Variants in SH3RF2 observed in about 807,000 individuals in gnomAD.
SH3RF2 encodes the protein SH3 domain containing ring finger 2.
SH3RF2 carries 43 observed loss-of-function variants against 59.0 expected under a neutral mutation model. The observed-to-expected ratio is 0.73, with a 90% CI of 0.57 to 0.94. The LOEUF (loss-of-function observed/expected upper bound fraction) is 0.94. Among genes scored for constraint, SH3RF2 ranks in the 40% least tolerant of loss-of-function variants. The pLI is 0.00. For synonymous variants in SH3RF2, 391 were observed against 391.5 expected, an observed-to-expected ratio of 1.00 and a Z score of 0.01; for missense variants, 930 against 940.1, an observed-to-expected ratio of 0.99 and a Z score of 0.14.
chr5:146,059,995 C>T lies in SH3RF2; in HGVS notation c.1685C>T (p.Ser562Phe). Residue 562 changes from serine to phenylalanine, a missense_variant, in exon 9 of 10, where the codon TCC becomes TTC. Coordinates refer to ENST00000359120, the MANE Select transcript of SH3RF2 (RefSeq NM_152550.4). ...QFYQPQGIPS[S>F]PSAVVVEMGS... ...TACCAGCCACAGGGGATCCCCTCCT[C>T]CCCCTCAGCCGTGGTGGTGGAGATG... 2 of 1,594,616 alleles carry T rather than the reference C, an allele frequency of 1.3e-6. No homozygotes were observed. Among genetic ancestry groups the T allele is most frequent in the Non-Finnish European group, 1.7e-6 (2 of 1,169,278 alleles).
chr5:145,956,980 A>G (rs1021469380), intron 2 of SH3RF2, among the ~76,000 whole-genome samples: 1 of 152,362 alleles, frequency 6.6e-6, no homozygotes, highest in Non-Finnish European at 1.5e-5. Context: ...CTTCATAACT[A>G]TCAGGCAGCA....
chr5:146,047,874 G>T lies in SH3RF2; in HGVS notation c.1151+11G>T. 6.2e-7 allele frequency: 1 copy of T among 1,613,376 alleles called. No individual in the cohort carries two copies. Reference sequence around the variant, plus strand: ...CCTCTCAGCGAACATGTGAGTAAAAGGCTCATCCCTTCACCCAAGTCCTGG... The same window carrying T: ...CCTCTCAGCGAACATGTGAGTAAAATGCTCATCCCTTCACCCAAGTCCTGG... On this transcript the variant is annotated intron_variant, in intron 6 of 9. Transcript: ENST00000359120.
intron 9 of SH3RF2, among the ~76,000 whole-genome samples, chr5:146,070,961 G>A (rs1763221252): frequency 6.6e-6 from 1 of 152,218 alleles, no homozygotes; most frequent in South Asian, 2.1e-4. Context: ...CTTGGAATCA[G>A]TGCTAGCATG....
At chr5:145,953,105 C>G (rs1002174729) in intron 2 of SH3RF2, among the ~76,000 whole-genome samples, 2 of 123,138 alleles carry the variant, frequency 1.6e-5, no homozygotes, top group African/African-American at 9.6e-5. Context: ...CACCAACAGT[C>G]TCTCTCTCTC....
At chr5:146,014,698 C>T (rs192822010) in intron 5 of SH3RF2, among the ~76,000 whole-genome samples, 13 of 152,292 alleles carry the variant, frequency 8.5e-5, no homozygotes, top group African/African-American at 3.1e-4. Flanking sequence ...GAAGCCAGCC[C>T]TGGGTGTTTC....
At chr5:145,971,234 C>A (rs529249359) in intron 2 of SH3RF2, among the ~76,000 whole-genome samples, 60 of 152,242 alleles carry the variant, frequency 3.9e-4, no homozygotes, top group Non-Finnish European at 5.9e-4. Flanking sequence ...GGAAACTCTT[C>A]CTACCTGACT....
At chr5:145,970,945 G>A (rs1759056855) in intron 2 of SH3RF2, among the ~76,000 whole-genome samples, 1 of 152,136 alleles carries the variant, frequency 6.6e-6, no homozygotes, top group South Asian at 2.1e-4. Flanking sequence ...AAAAAATGGA[G>A]TAAAGCAACC....
downstream of SH3RF2, among the ~76,000 whole-genome samples, chr5:146,064,848 GAAAGAAAGAAAGAAAGAGAA>G (rs1302814544): frequency 6.5e-4 from 11 of 16,940 alleles, no homozygotes; most frequent in African/African-American, 7.6e-4. Flanking sequence ...AAGAAAGAAA[GAAAGAAAGAAAGAAAGAGAA>G]AGAAAAAGAA....
In SH3RF2 at chr5:146,060,033, G is replaced by C. The variant is rs370435743; in HGVS notation, c.1723G>C (p.Ala575Pro). 1 of 1,612,012 alleles carries C rather than the reference G, an allele frequency of 6.2e-7. No homozygotes were observed. Among genetic ancestry groups the C allele is most frequent in the South Asian group, 1.1e-5 (1 of 90,726 alleles). The change falls in exon 9 of 10, where the codon GCC becomes CCC. Residue 575 changes from alanine to proline, a missense_variant. Physicochemically the swap from Ala to Pro is conservative, Grantham distance 27. Coordinates refer to ENST00000359120, the MANE Select transcript of SH3RF2 (RefSeq NM_152550.4). ...GGTGGTGGAGATGGGGTCCAAGCCT[G>C]CCCTCACGGGGGAGCCCGCCCTCAC... is the stretch of plus-strand genomic sequence containing the variant. The part of the protein sequence containing the change: ...AVVVEMGSKP[A>P]LTGEPALTCI...
At chr5:146,048,055 G>A (rs1762370064) in intron 6 of SH3RF2, among the ~76,000 whole-genome samples, 192 bp downstream of exon 6, 1 of 152,122 alleles carries the variant, frequency 6.6e-6, no homozygotes, top group African/African-American at 2.4e-5. Context: ...GCTCACACCT[G>A]TAATCCCAGC....
exon 10 of SH3RF2, chr5:146,079,349 G>A (rs1334196560): frequency 6.6e-6 from 1 of 152,150 alleles, no homozygotes; most frequent in Non-Finnish European, 1.5e-5. Context: ...ACCTGCAAGA[G>A]ACATTGCTCA....
At chr5:146,056,254 T>G (rs1211688364) in intron 8 of SH3RF2, 41 bp downstream of exon 8, 36 of 1,613,208 alleles carry the variant, frequency 2.2e-5, no homozygotes, top group Non-Finnish European at 2.9e-5. Context: ...AGCTAAGTGA[T>G]GGGGGGAATC....
intron 2 of SH3RF2, 144 bp from the exon 3 acceptor site, chr5:145,999,914 G>T (rs1350369836): frequency 1.2e-6 from 1 of 860,118 alleles, no homozygotes; most frequent in African/African-American, 1.8e-5. Flanking sequence ...TTTAACACAG[G>T]TTGCCATAAA....
chr5:146,035,805 G>C (rs912818847), intron 5 of SH3RF2, among the ~76,000 whole-genome samples: 6 of 152,178 alleles, frequency 3.9e-5, no homozygotes, highest in African/African-American at 1.4e-4. Context: ...CCATCTTTGG[G>C]ATACTCTTGT....
intron 5 of SH3RF2, 99 bp downstream of exon 5, chr5:146,014,160 C>A (rs1761021193): frequency 2.4e-6 from 3 of 1,255,186 alleles, no homozygotes; most frequent in Non-Finnish European, 3.4e-6. Flanking sequence ...TGCTAAGCAC[C>A]CAGAATGCCC....
intron 8 of SH3RF2, among the ~76,000 whole-genome samples, 186 bp from the exon 9 acceptor site, chr5:146,059,680 G>C (rs1466312282): frequency 6.6e-6 from 1 of 152,104 alleles, no homozygotes; most frequent in African/African-American, 2.4e-5. Flanking sequence ...TTTGCTGCCA[G>C]CATCAGCAAA....
chr5:146,011,333 T>G (rs2149991450), intron 4 of SH3RF2, among the ~76,000 whole-genome samples: 1 of 152,304 alleles, frequency 6.6e-6, no homozygotes, highest in South Asian at 2.1e-4. Flanking sequence ...AGCTTTGTTC[T>G]TTTGGCTTAG....
At chr5:146,064,690 GAAA>G (rs1293769109), downstream of SH3RF2, among the ~76,000 whole-genome samples, 28 of 4,624 alleles carry the variant, frequency 6.1e-3, 3 homozygotes, top group African/African-American at 0.012. Context: ...AAGAAAGAAA[GAAA>G]GAAAGAAAGA....
At chr5:146,070,866 A>G (rs1175330731) in intron 9 of SH3RF2, among the ~76,000 whole-genome samples, 1 of 152,238 alleles carries the variant, frequency 6.6e-6, no homozygotes, top group Non-Finnish European at 1.5e-5. Flanking sequence ...AAGGACTAAA[A>G]GGATGCCAGC....
Sources: gnomAD v4.1 joint callset for allele counts (sites outside exome capture counted in the v4.1 genomes callset) on GRCh38, gnomAD v4.1.1 for gene constraint, MANE v1.5 for transcripts, NCBI Gene and HGNC (gene_info 2026-07-23, HGNC 2026-07-21) for gene names.